Variants in PSEN2 observed in about 807,000 individuals in gnomAD.
The protein encoded by PSEN2 is presenilin 2, also known as presenilin-2.
In PSEN2, 32 loss-of-function variants were observed where a neutral mutation model predicts 49.1. The ratio of observed to expected loss-of-function variants is 0.65; its 90% CI spans 0.49 to 0.88. PSEN2 has a LOEUF of 0.88. Ranked by LOEUF, PSEN2 falls within the 40% of genes least tolerant of loss-of-function variation. PSEN2 has a pLI of 0.00. For synonymous variants in PSEN2, 255 were observed against 244.0 expected (o/e 1.05, Z -0.42); for missense variants, 522 against 586.9 (o/e 0.89, Z 1.14).
downstream of PSEN2, chr1:226,899,631 G>A (rs1662249252): frequency 6.6e-6 from 1 of 152,226 alleles, no homozygotes; most frequent in African/African-American, 2.4e-5. Context: ...TGGAATGGTG[G>A]TGGGAGTCAG....
Position 226,891,720 on chromosome 1 carries a change from ATCT to A in PSEN2, c.971-19_971-17del. The A allele has an allele frequency of 1.9e-6, 3 of 1,586,982 alleles. 1 individual carries two copies. Among genetic ancestry groups the A allele is most frequent in the South Asian group, 2.2e-5 (2 of 90,456 alleles). The stretch of plus-strand genomic sequence containing the variant: ...TCCCCTCCTCACGGTGATGACGGAC[ATCT>A]TCTCTTCCTGGACACCCAGAAGAAG... On this transcript the variant is annotated intron_variant, in intron 10 of 12. Transcript: ENST00000366783.
chr1:226,891,411 C>T (rs753847484), intron 10 of PSEN2, 50 bp downstream of exon 10: 1 of 1,485,216 alleles, frequency 6.7e-7, no homozygotes, highest in Non-Finnish European at 9.3e-7. Flanking sequence ...GGGCAGCTCC[C>T]TACCTGCACC....
At chr1:226,901,686 C>T (rs1462234294) in intron 12 of PSEN2, among the ~76,000 whole-genome samples, 1 of 152,154 alleles carries the variant, frequency 6.6e-6, no homozygotes, top group Non-Finnish European at 1.5e-5. Context: ...GCTTACTGGT[C>T]AGATATCTTT....
At chr1:226,901,551 A>G (rs1199920269), downstream of PSEN2, among the ~76,000 whole-genome samples, 1 of 152,016 alleles carries the variant, frequency 6.6e-6, no homozygotes, top group Non-Finnish European at 1.5e-5. Context: ...GCAAGACCCC[A>G]TCTCTGCCAA....
At chr1:226,901,858 T>C (rs1207105744) in intron 12 of PSEN2, among the ~76,000 whole-genome samples, 2 of 152,204 alleles carry the variant, frequency 1.3e-5, no homozygotes, top group Non-Finnish European at 2.9e-5. Flanking sequence ...AAATGACCCA[T>C]GCATTTTAAT....
chr1:226,900,293 T>G (rs143751757), downstream of PSEN2, among the ~76,000 whole-genome samples: 1,830 of 152,224 alleles, frequency 0.012, 20 homozygotes, highest in Non-Finnish European at 0.018. Context: ...CTGCCACCAT[T>G]GGCTCTCTAC....
chr1:226,872,630 T>A (rs565678429), intron 2 of PSEN2, among the ~76,000 whole-genome samples: 41 of 152,342 alleles, frequency 2.7e-4, no homozygotes, highest in African/African-American at 8.2e-4. Flanking sequence ...CAAAGCAGTG[T>A]GTGTAGGTCA....
At chr1:226,883,958 G>C in intron 5 of PSEN2, 39 bp downstream of exon 5, 1 of 1,059,570 alleles carries the variant, frequency 9.4e-7, no homozygotes. Flanking sequence ...TGGGGTGAGG[G>C]CTGAGTTGCC....
rs538472488 is a variant in PSEN2 at position 226,878,154 on chromosome 1, A to G, written c.-21+2604A>G. 6.6e-5 allele frequency among the ~76,000 whole-genome samples: 10 copies of G among 151,682 alleles called. No homozygotes were observed. The East Asian group carries it at 1.9e-3, about 29-fold the overall frequency. ...AAGTGCAGTGGTGCGATCTCAGCTC[A>G]CTGCAGCCTCCGCCTCCTGGGTTCA... On this transcript the variant is annotated intron_variant, in intron 3 of 12. Coordinates refer to ENST00000366783, the MANE Select transcript of PSEN2 (RefSeq NM_000447.3).
Position 226,884,066 on chromosome 1 carries a change from G to A in PSEN2, c.356+147G>A, listed in dbSNP as rs1661187266. On this transcript the variant is annotated intron_variant, in intron 5 of 12. Transcript: ENST00000366783. ...GGGATGAAGAACCGCCCAGGTTCATGGCCTGGCTCACTGCCTCCTGGATTG... is the reference window on the plus strand; with the variant it reads ...GGGATGAAGAACCGCCCAGGTTCATAGCCTGGCTCACTGCCTCCTGGATTG... 5 of 691,104 alleles carry A rather than the reference G, an allele frequency of 7.2e-6. No homozygotes were observed. In the South Asian group the frequency reaches 7.3e-5, roughly 10 times the overall value. The allele number at this position is 691,104 out of a possible 1,614,324, so 42.8% of individuals were successfully genotyped here. A position where few individuals can be genotyped will look rare whatever the true frequency, so the allele number is the denominator to read the frequency against.
chr1:226,895,430 T>C lies in PSEN2; in HGVS notation c.1198T>C (p.Cys400Arg). ...ACFVAILIGL[C>R]LTLLLLAVFK... ...TCCCCTCCATGTCCTGCAGGGCTTG[T>C]GTCTGACCCTCCTGCTGCTTGCTGT... Residue 400 changes from cysteine to arginine, a missense_variant, in exon 13 of 13, where the codon TGT (cysteine) becomes CGT (arginine). Physicochemically the swap from Cys to Arg is radical, Grantham distance 180. Coordinates refer to ENST00000366783, the MANE Select transcript of PSEN2 (RefSeq NM_000447.3). 1 of 1,614,100 alleles carries C rather than the reference T, an allele frequency of 6.2e-7. No individual in the cohort carries two copies. Among genetic ancestry groups the C allele is most frequent in the Non-Finnish European group, 8.5e-7 (1 of 1,180,016 alleles).
At chr1:226,893,117 G>C (rs1454589249) in intron 11 of PSEN2, among the ~76,000 whole-genome samples, 1 of 152,188 alleles carries the variant, frequency 6.6e-6, no homozygotes, top group Non-Finnish European at 1.5e-5. Context: ...TTTTAGTAGA[G>C]ACAAGGTTTT....
chr1:226,874,099 G>A (rs1240845292), intron 2 of PSEN2, among the ~76,000 whole-genome samples: 1 of 152,188 alleles, frequency 6.6e-6, no homozygotes, highest in Non-Finnish European at 1.5e-5. Context: ...GTTTTGAGGT[G>A]ACAGATGAGC....
At chr1:226,872,724 T>G (rs964981578) in intron 2 of PSEN2, among the ~76,000 whole-genome samples, 1 of 152,234 alleles carries the variant, frequency 6.6e-6, no homozygotes, top group Non-Finnish European at 1.5e-5. Flanking sequence ...TGGGGACTGA[T>G]AAGACAGCAA....
At chr1:226,888,028 T>TG in intron 6 of PSEN2, 63 bp from the exon 7 acceptor site, 1 of 1,352,974 alleles carries the variant, frequency 7.4e-7, no homozygotes, top group African/African-American at 1.4e-5. Context: ...CTCAGGATCC[T>TG]GGGGGCCTTA....
rs144696679 is a variant in PSEN2 at position 226,881,988 on chromosome 1, G to A, written c.81G>A (p.Thr27=). ...CCCTAATGTCGGCTGAGAGCCCCAC[G>A]CCGCGCTCCTGCCAGGAGGGCAGGC... The part of the protein sequence containing the change: ...RTSLMSAESP[T]PRSCQEGRQG... The change falls in exon 4 of 13, where the codon ACG becomes ACA. Residue 27 remains threonine, a synonymous_variant. Coordinates refer to ENST00000366783, the MANE Select transcript of PSEN2 (RefSeq NM_000447.3). 22 of 1,613,964 alleles carry A rather than the reference G, an allele frequency of 1.4e-5. No homozygotes were observed. The highest frequency in any genetic ancestry group is 1.6e-4 in the Middle Eastern group (1 of 6,084).
downstream of PSEN2, chr1:226,899,253 C>T (rs1235991772): frequency 2.6e-5 from 4 of 152,118 alleles, no homozygotes; most frequent in Non-Finnish European, 4.4e-5. Flanking sequence ...TTTAGTTCAT[C>T]TGAAATGTAT....
chr1:226,879,500 A>C (rs1660843860), intron 3 of PSEN2, among the ~76,000 whole-genome samples: 1 of 152,194 alleles, frequency 6.6e-6, no homozygotes, highest in African/African-American at 2.4e-5. Context: ...ATCAGGCACC[A>C]AACTCCTCCC....
chr1:226,881,175 C>T (rs981031240), intron 3 of PSEN2, among the ~76,000 whole-genome samples: 2 of 152,142 alleles, frequency 1.3e-5, no homozygotes, highest in African/African-American at 4.8e-5. Flanking sequence ...GGTCACTTTC[C>T]CTCTCTGGTC....
Sources: gnomAD v4.1 joint callset for allele counts (sites outside exome capture counted in the v4.1 genomes callset) on GRCh38, gnomAD v4.1.1 for gene constraint, MANE v1.5 for transcripts, NCBI Gene and HGNC (gene_info 2026-07-23, HGNC 2026-07-21) for gene names.